The following ZNF385D variants were observed in gnomAD, a reference collection of about 807,000 sequenced individuals.
The protein encoded by ZNF385D is zinc finger protein 659.
Under a neutral mutation model 35.8 loss-of-function variants are expected in ZNF385D, and 15 were observed. That is an observed-to-expected ratio of 0.42 (90% confidence interval 0.28 to 0.64). The LOEUF (loss-of-function observed/expected upper bound fraction) is 0.64. Ranked by LOEUF, ZNF385D falls within the 30% of genes least tolerant of loss-of-function variation. The pLI is 0.23. For missense variants in ZNF385D, 474 were observed against 494.6 expected (o/e 0.96, Z 0.39); for synonymous variants, 212 against 186.8 (o/e 1.13, Z -1.10).
At chr3:21,732,076 G>A (rs1317018304) in intron 1 of ZNF385D, among the ~76,000 whole-genome samples, 4 of 56,294 alleles carry the variant, frequency 7.1e-5, no homozygotes, top group Non-Finnish European at 9.4e-5. Flanking sequence ...TTTTGAGAAC[G>A]GAGTTTTGCT....
intron 2 of ZNF385D, among the ~76,000 whole-genome samples, chr3:22,352,374 T>C (rs1433487399): frequency 1.3e-5 from 2 of 152,194 alleles, no homozygotes; most frequent in South Asian, 2.1e-4. Flanking sequence ...TCCATTTAGG[T>C]TAGCAGAGCC....
chr3:22,030,735 A>G (rs1053199225), intron 3 of ZNF385D, among the ~76,000 whole-genome samples: 2 of 152,140 alleles, frequency 1.3e-5, no homozygotes, highest in Non-Finnish European at 2.9e-5. Context: ...TTCACATTTC[A>G]AAACCAGTTA....
intron 3 of ZNF385D, among the ~76,000 whole-genome samples, chr3:21,767,574 C>T (rs574155344): frequency 2.0e-5 from 3 of 151,990 alleles, no homozygotes; most frequent in African/African-American, 7.2e-5. Context: ...TCCAGGATCT[C>T]GTGACCTTGA....
At chr3:21,428,058 CTA>C (rs1298463062) in intron 5 of ZNF385D, among the ~76,000 whole-genome samples, 1 of 152,020 alleles carries the variant, frequency 6.6e-6, no homozygotes, top group Non-Finnish European at 1.5e-5. Context: ...AATTCAATAA[CTA>C]TTAGATAGTT....
At chr3:21,908,146 CTA>C (rs1320377721) in intron 3 of ZNF385D, among the ~76,000 whole-genome samples, 1 of 150,310 alleles carries the variant, frequency 6.7e-6, no homozygotes, top group East Asian at 1.9e-4. Context: ...ATCTATCTAT[CTA>C]TCTATCTATC....
intron 3 of ZNF385D, among the ~76,000 whole-genome samples, chr3:22,047,796 AT>A (rs552451265): frequency 1.9e-3 from 296 of 152,198 alleles, no homozygotes; most frequent in African/African-American, 6.9e-3. Context: ...TGATAATTCT[AT>A]TTTTAATTTT....
intron 3 of ZNF385D, among the ~76,000 whole-genome samples, chr3:21,844,291 AAG>A (rs1695862653): frequency 1.3e-5 from 2 of 151,948 alleles, no homozygotes; most frequent in Non-Finnish European, 2.9e-5. Context: ...ACAATATCAT[AAG>A]AGTGTTTTTA....
At chr3:21,939,438 CAG>C (rs1701413058) in intron 3 of ZNF385D, among the ~76,000 whole-genome samples, 1 of 151,912 alleles carries the variant, frequency 6.6e-6, no homozygotes, top group Non-Finnish European at 1.5e-5. Context: ...CCATAGAACT[CAG>C]AAAGAATTTA....
At chr3:21,464,840 A>C (rs1452945425) in intron 4 of ZNF385D, among the ~76,000 whole-genome samples, 1 of 152,070 alleles carries the variant, frequency 6.6e-6, no homozygotes, top group African/African-American at 2.4e-5. Context: ...AGCCTATTAA[A>C]TATTTGTAGA....
intron 3 of ZNF385D, among the ~76,000 whole-genome samples, chr3:22,132,161 T>C (rs12715025): frequency 0.33 from 50,420 of 152,026 alleles, 8,905 homozygotes; most frequent in Middle Eastern, 0.43. Flanking sequence ...TCTTAACCCC[T>C]GTGGTGATGG....
intron 3 of ZNF385D, among the ~76,000 whole-genome samples, chr3:22,060,697 T>C (rs994704753): frequency 5.9e-5 from 9 of 152,032 alleles, no homozygotes; most frequent in Non-Finnish European, 1.5e-5. Flanking sequence ...AAGTTTTAGA[T>C]GATTAAAATT....
chr3:21,799,900 C>T (rs1274941575), intron 3 of ZNF385D, among the ~76,000 whole-genome samples: 1 of 152,098 alleles, frequency 6.6e-6, no homozygotes, highest in South Asian at 2.1e-4. Flanking sequence ...ACATAGAGGC[C>T]TTTGATCCAT....
At chr3:21,706,962 C>CTGTA (rs1463871353) in intron 1 of ZNF385D, among the ~76,000 whole-genome samples, 1 of 152,168 alleles carries the variant, frequency 6.6e-6, no homozygotes, top group Non-Finnish European at 1.5e-5. Flanking sequence ...CTTCATCCCT[C>CTGTA]TGTATGCGTA....
At chr3:21,505,318 A>T (rs1706692464) in intron 4 of ZNF385D, among the ~76,000 whole-genome samples, 1 of 152,140 alleles carries the variant, frequency 6.6e-6, no homozygotes, top group South Asian at 2.1e-4. Context: ...TCTAAGCACA[A>T]GTGATACTTG....
intron 2 of ZNF385D, among the ~76,000 whole-genome samples, chr3:21,597,996 G>C (rs1183693930): frequency 2.0e-5 from 3 of 152,150 alleles, no homozygotes; most frequent in Non-Finnish European, 4.4e-5. Flanking sequence ...CAAAGAAGAA[G>C]TATTAAATGG....
rs181007923 is a variant in ZNF385D, at chr3:21,780,066, T to G, written c.326-115038A>C. Among the ~76,000 whole-genome samples the G allele has an allele frequency of 1.4e-3, 216 of 151,996 alleles. 7 individuals carry two copies. The highest frequency in any genetic ancestry group is 0.014 in the Admixed American group (214 of 15,228). ...GACTTTCAGGATTTGACTAGCAAAT[T>G]AGTGAATAGTCCACACCCACACAGA... is the stretch of plus-strand genomic sequence containing the variant. On this transcript the variant is annotated intron_variant, in intron 3 of 5. Transcript: ENST00000494108.
intron 2 of ZNF385D, among the ~76,000 whole-genome samples, chr3:21,568,507 C>T (rs1280689518): frequency 2.6e-5 from 4 of 152,062 alleles, no homozygotes; most frequent in Admixed American, 1.3e-4. Flanking sequence ...TGCACATTAT[C>T]GTCAAGAATT....
chr3:21,693,146 C>CA (rs2067340218), intron 1 of ZNF385D, among the ~76,000 whole-genome samples: 1 of 152,098 alleles, frequency 6.6e-6, no homozygotes, highest in African/African-American at 2.4e-5. Context: ...TCTGATACCT[C>CA]AATGAGGGAT....
At chr3:21,890,136 C>A (rs886121085) in intron 3 of ZNF385D, among the ~76,000 whole-genome samples, 1 of 152,082 alleles carries the variant, frequency 6.6e-6, no homozygotes, top group East Asian at 1.9e-4. Flanking sequence ...TGGGGAGATG[C>A]AATTCAACCC....
Sources: gnomAD v4.1 joint callset for allele counts (sites outside exome capture counted in the v4.1 genomes callset) on GRCh38, gnomAD v4.1.1 for gene constraint, MANE v1.5 for transcripts, NCBI Gene and HGNC (gene_info 2026-07-23, HGNC 2026-07-21) for gene names.